The following CLVS1 variants were observed in gnomAD, a reference collection of about 807,000 sequenced individuals.
CLVS1 encodes clavesin 1.
A neutral mutation model predicts 33.1 loss-of-function variants in CLVS1; 10 were observed. That is an observed-to-expected ratio of 0.30 (90% CI 0.19 to 0.51). CLVS1 has a LOEUF of 0.51. Among genes scored for constraint, CLVS1 ranks in the 20% least tolerant of loss-of-function variants. The pLI is 0.97. For missense variants in CLVS1, 343 were observed against 433.4 expected, an observed-to-expected ratio of 0.79 and a Z score of 1.85; for synonymous variants, 163 against 166.1, an observed-to-expected ratio of 0.98 and a Z score of 0.14.
chr8:61,475,875 T>C (rs1319087241), intron 5 of CLVS1, among the ~76,000 whole-genome samples: 1 of 152,166 alleles, frequency 6.6e-6, no homozygotes, highest in African/African-American at 2.4e-5. Context: ...CTTGCCCATG[T>C]GTATGTCCTG....
intron 2 of CLVS1, among the ~76,000 whole-genome samples, chr8:61,273,438 C>G (rs1031662677): frequency 1.3e-5 from 2 of 152,164 alleles, no homozygotes; most frequent in African/African-American, 4.8e-5. Context: ...TTACTGCTGT[C>G]TTTTTGTTTG....
At chr8:61,105,736 T>C (rs1398596780) in intron 1 of CLVS1, among the ~76,000 whole-genome samples, 1 of 152,112 alleles carries the variant, frequency 6.6e-6, no homozygotes, top group Non-Finnish European at 1.5e-5. Context: ...AAAAGTGCAA[T>C]CATGTTAGGG....
intron 2 of CLVS1, among the ~76,000 whole-genome samples, chr8:61,150,733 C>T (rs1212328904): frequency 6.6e-6 from 1 of 152,206 alleles, no homozygotes; most frequent in Non-Finnish European, 1.5e-5. Flanking sequence ...TGGCCACTCC[C>T]TCTTTTCTGT....
At chr8:61,384,867 G>T (rs1814019443) in intron 3 of CLVS1, among the ~76,000 whole-genome samples, 1 of 152,130 alleles carries the variant, frequency 6.6e-6, no homozygotes, top group African/African-American at 2.4e-5. Flanking sequence ...AGAAGCTGGA[G>T]AATGGGGAGA....
the CLVS1 span, among the ~76,000 whole-genome samples, chr8:61,036,609 CAG>C: frequency 6.6e-6 from 1 of 152,202 alleles, no homozygotes; most frequent in African/African-American, 2.4e-5. Context: ...TCCTTCCTTC[CAG>C]AGAACTGGTA....
intron 1 of CLVS1, among the ~76,000 whole-genome samples, chr8:61,062,869 A>G (rs1024286268): frequency 6.6e-6 from 1 of 152,200 alleles, no homozygotes; most frequent in African/African-American, 2.4e-5. Context: ...CCACTGAACA[A>G]TTGTTAGTTA....
chr8:61,348,122 T>C (rs1442006799), intron 2 of CLVS1, among the ~76,000 whole-genome samples: 2 of 151,928 alleles, frequency 1.3e-5, no homozygotes, highest in East Asian at 3.9e-4. Flanking sequence ...AACGCAACCA[T>C]TGTCCCCAAA....
At chr8:61,180,999 C>T (rs1157883480) in intron 2 of CLVS1, among the ~76,000 whole-genome samples, 3 of 152,028 alleles carry the variant, frequency 2.0e-5, no homozygotes, top group Admixed American at 6.6e-5. Flanking sequence ...GGCAATAAGG[C>T]AAGAGAAAGA....
chr8:61,273,313 G>A (rs1031734881), intron 2 of CLVS1, among the ~76,000 whole-genome samples: 2 of 152,198 alleles, frequency 1.3e-5, no homozygotes. Flanking sequence ...GGGGGTCAGG[G>A]TTCAGGGACC....
chr8:61,159,062 G>A (rs1806703202), intron 2 of CLVS1, among the ~76,000 whole-genome samples: 2 of 152,084 alleles, frequency 1.3e-5, no homozygotes, highest in South Asian at 2.1e-4. Flanking sequence ...GGTAGAGATG[G>A]GGGTGTCACT....
intron 2 of CLVS1, among the ~76,000 whole-genome samples, chr8:61,337,109 CG>C: frequency 6.6e-6 from 1 of 152,178 alleles, no homozygotes; most frequent in East Asian, 1.9e-4. Context: ...CAGATTTCCA[CG>C]TTGACTACAA....
chr8:61,201,744 A>C (rs1468190994), intron 2 of CLVS1, among the ~76,000 whole-genome samples: 1 of 152,190 alleles, frequency 6.6e-6, no homozygotes, highest in Non-Finnish European at 1.5e-5. Context: ...GGTGCCTCCT[A>C]AATCCCTCTT....
At chr8:61,478,990 C>A in intron 5 of CLVS1, among the ~76,000 whole-genome samples, 1 of 152,176 alleles carries the variant, frequency 6.6e-6, no homozygotes, top group East Asian at 1.9e-4. Context: ...GTAACCCAAC[C>A]TTTCTCTCTG....
intron 5 of CLVS1, among the ~76,000 whole-genome samples, chr8:61,492,284 C>A (rs1411461962): frequency 6.6e-6 from 1 of 152,166 alleles, no homozygotes; most frequent in Admixed American, 6.5e-5. Context: ...AATGTATCCA[C>A]CTAGTGTATA....
At chr8:61,409,695 G>T in intron 3 of CLVS1, among the ~76,000 whole-genome samples, 1 of 152,092 alleles carries the variant, frequency 6.6e-6, no homozygotes, top group South Asian at 2.1e-4. Context: ...AAAATTATCC[G>T]TTTGCAATTT....
intron 1 of CLVS1, among the ~76,000 whole-genome samples, chr8:61,071,640 T>C (rs1404636342): frequency 6.6e-6 from 1 of 152,136 alleles, no homozygotes; most frequent in Non-Finnish European, 1.5e-5. Context: ...ATGGATACCT[T>C]TGGTTGTGGG....
chr8:61,319,485 T>C (rs965298051), intron 2 of CLVS1, among the ~76,000 whole-genome samples: 1 of 152,168 alleles, frequency 6.6e-6, no homozygotes, highest in Non-Finnish European at 1.5e-5. Flanking sequence ...CACTTCCAGC[T>C]CCTCATTTTA....
At chr8:61,176,532 G>T (rs1225157367) in intron 2 of CLVS1, among the ~76,000 whole-genome samples, 1 of 152,080 alleles carries the variant, frequency 6.6e-6, no homozygotes, top group East Asian at 1.9e-4. Flanking sequence ...TTTAAAAGAA[G>T]AGGGGGCAGG....
the CLVS1 span, among the ~76,000 whole-genome samples, chr8:61,025,320 A>G: frequency 6.6e-6 from 1 of 152,208 alleles, no homozygotes; most frequent in Non-Finnish European, 1.5e-5. Context: ...ATTTATATTT[A>G]TTTTGCATGT....
Sources: allele counts gnomAD v4.1 joint callset (sites outside exome capture counted in the v4.1 genomes callset), GRCh38; gene constraint gnomAD v4.1.1; transcripts MANE v1.5; gene names NCBI Gene and HGNC (gene_info 2026-07-23, HGNC 2026-07-21).